ZNF804A: variants seen among roughly 807,000 people sequenced by gnomAD.
The protein encoded by ZNF804A is zinc finger protein 804A.
In ZNF804A, 2 loss-of-function variants were observed where a neutral mutation model predicts 16.5. That is an observed-to-expected ratio of 0.12 (90% confidence interval 0.05 to 0.38). The LOEUF (loss-of-function observed/expected upper bound fraction) is 0.38, where lower values mean the gene tolerates loss of function less well. Ranked by LOEUF, ZNF804A falls within the 10% of genes least tolerant of loss-of-function variation. The pLI is 0.99. For missense variants in ZNF804A, 1,473 were observed against 1,390.7 expected (o/e 1.06, Z -0.94); for synonymous variants, 534 against 489.6 (o/e 1.09, Z -1.20).
Position 184,936,758 on chromosome 2 carries a change from C to T in ZNF804A, c.1362C>T (p.Ser454=). The T allele has an allele frequency of 6.2e-7, 1 of 1,613,834 alleles. No homozygotes were observed. The highest frequency in any genetic ancestry group is 8.5e-7 in the Non-Finnish European group (1 of 1,179,906). Residue 454 remains serine, a synonymous_variant, in exon 4 of 4, where the codon TCC becomes TCT. Transcript: ENST00000302277. Reference sequence around the variant, plus strand: ...ATACAACTACGAAACCATCAATTTCCTATAGCTGTAATCCTCTATGTTTTG... The same window carrying T: ...ATACAACTACGAAACCATCAATTTCTTATAGCTGTAATCCTCTATGTTTTG... The part of the protein sequence containing the change: ...LVYTTTKPSI[S]YSCNPLCFDF...
intron 1 of ZNF804A, among the ~76,000 whole-genome samples, chr2:184,643,824 A>C (rs1227735245): frequency 6.6e-6 from 1 of 151,518 alleles, no homozygotes; most frequent in Non-Finnish European, 1.5e-5. Flanking sequence ...GTATAAAATA[A>C]ACAATAATTT....
chr2:184,693,673 T>C (rs1448000616), intron 1 of ZNF804A, among the ~76,000 whole-genome samples: 1 of 152,176 alleles, frequency 6.6e-6, no homozygotes, highest in Non-Finnish European at 1.5e-5. Context: ...AAGATAATAG[T>C]TCCTATATGT....
intron 1 of ZNF804A, among the ~76,000 whole-genome samples, chr2:184,789,242 A>G (rs1032302256): frequency 6.6e-6 from 1 of 151,654 alleles, no homozygotes. Flanking sequence ...GTTTGCTAGC[A>G]TTTTGCTGAT....
chr2:184,860,700 AT>A (rs1400192196), intron 1 of ZNF804A, among the ~76,000 whole-genome samples: 1 of 152,186 alleles, frequency 6.6e-6, no homozygotes, highest in Non-Finnish European at 1.5e-5. Flanking sequence ...CCAGCCTGGA[AT>A]CTGATGCCAC....
Position 184,938,051 on chromosome 2 carries a change from T to C in ZNF804A, c.2655T>C (p.Asn885=), listed in dbSNP as rs766924048. Residue 885 remains asparagine (N), a synonymous_variant, in exon 4 of 4, where the codon AAT becomes AAC. Transcript: ENST00000302277. The stretch of plus-strand genomic sequence containing the variant: ...ACAAACTGTCTTTCCACCCTAACAA[T>C]CTCCTTCCTTCTGAAACCAATGGTG... ...LRNKLSFHPN[N]LLPSETNGET... The C allele has an allele frequency of 6.2e-7, 1 of 1,613,810 alleles. No homozygotes were observed. Among genetic ancestry groups the C allele is most frequent in the Non-Finnish European group, 8.5e-7 (1 of 1,180,016 alleles).
At chr2:184,740,374 T>C (rs968800129) in intron 1 of ZNF804A, among the ~76,000 whole-genome samples, 2 of 152,228 alleles carry the variant, frequency 1.3e-5, no homozygotes, top group African/African-American at 4.8e-5. Context: ...CATTAGAGTG[T>C]TGGCCTCTTT....
intron 1 of ZNF804A, among the ~76,000 whole-genome samples, chr2:184,745,742 C>T (rs1377645713): frequency 2.0e-5 from 3 of 151,264 alleles, no homozygotes; most frequent in African/African-American, 7.3e-5. Flanking sequence ...AAAAAGATTA[C>T]TTGGATTATT....
chr2:184,842,908 T>C (rs1180903674), intron 1 of ZNF804A, among the ~76,000 whole-genome samples: 3 of 152,158 alleles, frequency 2.0e-5, no homozygotes. Flanking sequence ...AGCACCATAA[T>C]GGTAGAGGTG....
chr2:184,901,768 C>A (rs965051805), intron 2 of ZNF804A, among the ~76,000 whole-genome samples: 1 of 151,794 alleles, frequency 6.6e-6, no homozygotes, highest in Non-Finnish European at 1.5e-5. Context: ...TTCTTTATTT[C>A]TCCTTTTATA....
At chr2:184,921,642 T>C (rs1559003518) in intron 2 of ZNF804A, among the ~76,000 whole-genome samples, 1 of 152,118 alleles carries the variant, frequency 6.6e-6, no homozygotes, top group Non-Finnish European at 1.5e-5. Context: ...AGCAATCCAG[T>C]TACTTTTATT....
intron 1 of ZNF804A, among the ~76,000 whole-genome samples, chr2:184,727,319 G>T (rs1288159895): frequency 6.6e-6 from 1 of 151,480 alleles, no homozygotes; most frequent in Non-Finnish European, 1.5e-5. Flanking sequence ...CAATATGAAA[G>T]AATTGTCTGA....
At chr2:184,885,805 C>T (rs1007502767) in intron 2 of ZNF804A, among the ~76,000 whole-genome samples, 4 of 151,984 alleles carry the variant, frequency 2.6e-5, no homozygotes, top group African/African-American at 9.7e-5. Flanking sequence ...CAGGAAAGAC[C>T]GGGCCCCATG....
intron 2 of ZNF804A, among the ~76,000 whole-genome samples, chr2:184,875,740 T>G (rs994066582): frequency 6.7e-6 from 1 of 149,220 alleles, no homozygotes; most frequent in Non-Finnish European, 1.5e-5. Context: ...TAAAGGTATG[T>G]CACTCTGAAT....
chr2:184,757,738 G>C (rs1030031443), intron 1 of ZNF804A, among the ~76,000 whole-genome samples: 7 of 151,986 alleles, frequency 4.6e-5, no homozygotes, highest in African/African-American at 1.7e-4. Context: ...TTATCTGGAG[G>C]ATGCTGTACT....
intron 1 of ZNF804A, among the ~76,000 whole-genome samples, chr2:184,625,284 C>A (rs1024883048): frequency 6.6e-6 from 1 of 152,088 alleles, no homozygotes; most frequent in African/African-American, 2.4e-5. Flanking sequence ...AAATAGCCAT[C>A]AGTTTATACA....
At chr2:184,726,452 G>A in intron 1 of ZNF804A, among the ~76,000 whole-genome samples, 1 of 151,302 alleles carries the variant, frequency 6.6e-6, no homozygotes. Context: ...ATTGAAATTT[G>A]GAAAAATAAA....
chr2:184,620,336 A>T (rs1483895898), intron 1 of ZNF804A, among the ~76,000 whole-genome samples: 1 of 151,834 alleles, frequency 6.6e-6, no homozygotes, highest in African/African-American at 2.4e-5. Flanking sequence ...CTGCTAAAAA[A>T]ATTGCTAGTT....
intron 1 of ZNF804A, among the ~76,000 whole-genome samples, chr2:184,652,543 G>C (rs934459215): frequency 6.6e-6 from 1 of 151,996 alleles, no homozygotes; most frequent in Non-Finnish European, 1.5e-5. Flanking sequence ...GGAGTTTTTG[G>C]TGAAATCCTG....
chr2:184,681,345 T>A (rs1158822711), intron 1 of ZNF804A, among the ~76,000 whole-genome samples: 1 of 152,176 alleles, frequency 6.6e-6, no homozygotes, highest in Non-Finnish European at 1.5e-5. Context: ...ATTCTTATGT[T>A]ACCAAACAAA....
Sources: allele counts gnomAD v4.1 joint callset (sites outside exome capture counted in the v4.1 genomes callset), GRCh38; gene constraint gnomAD v4.1.1; transcripts MANE v1.5; gene names NCBI Gene and HGNC (gene_info 2026-07-23, HGNC 2026-07-21).